Variants in ATP9B observed in about 807,000 individuals in gnomAD.
ATP9B encodes the protein probable phospholipid-transporting ATPase IIB.
In ATP9B, 110 loss-of-function variants were observed where a neutral mutation model predicts 146.1. The ratio of observed to expected loss-of-function variants is 0.75; its 90% confidence interval spans 0.65 to 0.88. The LOEUF (loss-of-function observed/expected upper bound fraction) is 0.88, where lower values mean the gene tolerates loss of function less well. ATP9B is among the 40% of genes least tolerant of loss of function. The pLI is 0.00. For missense variants in ATP9B, 1,499 were observed against 1,496.4 expected (o/e 1.00, Z -0.03); for synonymous variants, 604 against 569.7 (o/e 1.06, Z -0.86).
At chr18:79,231,743 C>G (rs2095793120) in intron 11 of ATP9B, among the ~76,000 whole-genome samples, 2 of 146,872 alleles carry the variant, frequency 1.4e-5, no homozygotes, top group Admixed American at 1.4e-4. Context: ...AAATGCCCAT[C>G]AATCAACGAG....
At chr18:79,366,794 C>G (rs141131684) in intron 26 of ATP9B, among the ~76,000 whole-genome samples, 1 of 152,312 alleles carries the variant, frequency 6.6e-6, no homozygotes, top group Non-Finnish European at 1.5e-5. Flanking sequence ...GGGTTAATTC[C>G]AGGGCTGAGG....
intron 17 of ATP9B, among the ~76,000 whole-genome samples, chr18:79,333,950 C>T (rs1212591543): frequency 2.0e-5 from 3 of 152,190 alleles, no homozygotes; most frequent in African/African-American, 7.2e-5. Context: ...TCAACAACAT[C>T]TGGATGGAGA....
At chr18:79,143,895 A>G (rs375519145) in intron 6 of ATP9B, 35 bp downstream of exon 6, 7 of 1,333,470 alleles carry the variant, frequency 5.2e-6, no homozygotes, top group South Asian at 4.2e-5. Flanking sequence ...AGACCTATGT[A>G]TGCTAGTTAT....
chr18:79,299,037 C>T (rs2096571946), intron 13 of ATP9B, among the ~76,000 whole-genome samples: 1 of 152,216 alleles, frequency 6.6e-6, no homozygotes, highest in Admixed American at 6.5e-5. Context: ...CTGAAGATTT[C>T]ATGCATTTGC....
intron 9 of ATP9B, among the ~76,000 whole-genome samples, chr18:79,194,900 T>G (rs1336392578): frequency 1.3e-5 from 2 of 152,156 alleles, no homozygotes; most frequent in Non-Finnish European, 2.9e-5. Context: ...AAATAATGCA[T>G]CCTGTGAATG....
At chr18:79,199,810 G>A (rs892564236) in intron 9 of ATP9B, among the ~76,000 whole-genome samples, 1 of 151,028 alleles carries the variant, frequency 6.6e-6, no homozygotes, top group South Asian at 2.1e-4. Flanking sequence ...ACACACATTA[G>A]CCTAGGCCTA....
intron 15 of ATP9B, among the ~76,000 whole-genome samples, chr18:79,327,618 CCCT>C: frequency 7.2e-6 from 1 of 139,186 alleles, no homozygotes; most frequent in Non-Finnish European, 1.5e-5. Context: ...AGCGTGCCCT[CCCT>C]GGTTAGTGTG....
intron 26 of ATP9B, among the ~76,000 whole-genome samples, chr18:79,364,828 A>G (rs2097016704): frequency 6.6e-6 from 1 of 152,274 alleles, no homozygotes; most frequent in Admixed American, 6.5e-5. Flanking sequence ...GCTCAATACC[A>G]GTCTGGGCAA....
At chr18:79,240,148 G>A (rs1009039942) in intron 11 of ATP9B, among the ~76,000 whole-genome samples, 2 of 152,188 alleles carry the variant, frequency 1.3e-5, no homozygotes, top group Admixed American at 6.5e-5. Context: ...TGACTTTGCT[G>A]GACTCAATAT....
intron 2 of ATP9B, among the ~76,000 whole-genome samples, chr18:79,109,761 T>C (rs1305439867): frequency 6.6e-6 from 1 of 152,066 alleles, no homozygotes; most frequent in African/African-American, 2.4e-5. Flanking sequence ...AGACGGGGTT[T>C]TACCACATTG....
chr18:79,257,546 G>A (rs997028183), intron 12 of ATP9B, among the ~76,000 whole-genome samples: 2 of 152,236 alleles, frequency 1.3e-5, no homozygotes, highest in South Asian at 2.1e-4. Context: ...TCAGAGCAAT[G>A]TGGGGCTTCC....
At chr18:79,329,324 C>T (rs2096777808) in intron 16 of ATP9B, 22 bp downstream of exon 16, 2 of 1,558,352 alleles carry the variant, frequency 1.3e-6, no homozygotes, top group Admixed American at 1.9e-5. Flanking sequence ...GGGAGGGTGC[C>T]ACGCGATGGC....
intron 8 of ATP9B, among the ~76,000 whole-genome samples, chr18:79,180,972 T>TG (rs2095245024): frequency 7.0e-6 from 1 of 143,276 alleles, no homozygotes; most frequent in Non-Finnish European, 1.5e-5. Flanking sequence ...TTTTTGTTTT[T>TG]TTGTTTTTTT....
intron 23 of ATP9B, among the ~76,000 whole-genome samples, chr18:79,346,614 G>A (rs1485047529): frequency 1.7e-5 from 2 of 120,110 alleles, no homozygotes; most frequent in African/African-American, 6.5e-5. Flanking sequence ...CACACATTTA[G>A]CACACTACAT....
chr18:79,100,373 T>C (rs1341140677), intron 2 of ATP9B, among the ~76,000 whole-genome samples: 1 of 152,206 alleles, frequency 6.6e-6, no homozygotes, highest in Non-Finnish European at 1.5e-5. Flanking sequence ...CTAAACATCA[T>C]TGTGGATGTG....
chr18:79,213,835 T>A, intron 10 of ATP9B, 127 bp from the exon 11 acceptor site: 1 of 718,280 alleles, frequency 1.4e-6, no homozygotes, highest in Non-Finnish European at 2.2e-6. Flanking sequence ...TTAAATACAC[T>A]GTTGGATAAA....
At chr18:79,187,358 C>T (rs4365361) in intron 8 of ATP9B, among the ~76,000 whole-genome samples, 37,504 of 152,066 alleles carry the variant, frequency 0.25, 5,000 homozygotes, top group East Asian at 0.5. Context: ...ACTGCCCCAC[C>T]TCCACACTGT....
At chr18:79,255,205 C>A (rs958508289) in intron 12 of ATP9B, 1 of 152,160 alleles carries the variant, frequency 6.6e-6, no homozygotes, top group Non-Finnish European at 1.5e-5. Context: ...TCTGGAGACA[C>A]AATCTTTGTC....
At chr18:79,295,525 G>A (rs2096541603) in intron 13 of ATP9B, among the ~76,000 whole-genome samples, 2 of 152,134 alleles carry the variant, frequency 1.3e-5, no homozygotes, top group East Asian at 3.9e-4. Context: ...TTCACACATG[G>A]CAAATTCCAC....
Sources: gnomAD v4.1 joint callset for allele counts (sites outside exome capture counted in the v4.1 genomes callset) on GRCh38, gnomAD v4.1.1 for gene constraint, MANE v1.5 for transcripts, NCBI Gene and HGNC (gene_info 2026-07-23, HGNC 2026-07-21) for gene names.